KIRREL3: variants seen among roughly 807,000 people sequenced by gnomAD.
KIRREL3 encodes the protein kin of IRRE-like protein 3.
Under a neutral mutation model 89.7 loss-of-function variants are expected in KIRREL3, and 36 were observed. The observed-to-expected ratio is 0.40, with a 90% confidence interval of 0.31 to 0.53. The LOEUF is 0.53. KIRREL3 is among the 20% of genes least tolerant of loss of function. The probability of loss-of-function intolerance (pLI) is 0.49; values close to 1 mark genes in which losing one functional copy is unlikely to be tolerated. For synonymous variants in KIRREL3, 445 were observed against 441.4 expected (o/e 1.01, Z -0.10); for missense variants, 864 against 1,056.6 (o/e 0.82, Z 2.53).
chr11:126,871,171 G>A (rs777760730), intron 1 of KIRREL3, among the ~76,000 whole-genome samples: 5 of 152,158 alleles, frequency 3.3e-5, no homozygotes, highest in Admixed American at 6.5e-5. Flanking sequence ...GGACACTGCC[G>A]TCTGCTCTGA....
chr11:126,461,473 G>A (rs1956539312), intron 6 of KIRREL3, among the ~76,000 whole-genome samples: 1 of 152,212 alleles, frequency 6.6e-6, no homozygotes, highest in Non-Finnish European at 1.5e-5. Flanking sequence ...GCTTGTGAAT[G>A]AGGATGCCAG....
rs943707821 is a variant in KIRREL3 at position 126,764,702 on chromosome 11, C to G, written c.56-201790G>C. 1.3e-5 allele frequency among the ~76,000 whole-genome samples: 2 copies of G among 152,146 alleles called. No homozygotes were observed. The highest frequency in any genetic ancestry group is 4.8e-5 in the African/African-American group (2 of 41,434). The stretch of plus-strand genomic sequence containing the variant: ...ACTCTCTCAGTGTAGGCTCTGAATG[C>G]TGCTTTTATGTTATTGCACACATGA... On this transcript the variant is annotated intron_variant, in intron 1 of 16. Coordinates refer to ENST00000525144, the MANE Select transcript of KIRREL3 (RefSeq NM_032531.4). This position sits in a 1 kb window ranked among gnomAD's most constrained non-coding sequence, Gnocchi z 4.2.
chr11:126,571,569 A>G lies in KIRREL3; in HGVS notation c.56-8657T>C, dbSNP rs1392612826. ...CTGGGCTGAGCACTTTGCATGCCTT[A>G]CCTTCTTTATTCCTCATCAAAACTC... is the stretch of plus-strand genomic sequence containing the variant. On this transcript the variant is annotated intron_variant, in intron 1 of 16. Transcript: ENST00000525144. This position sits in a 1 kb window ranked among gnomAD's most constrained non-coding sequence, Gnocchi z 7.7. 6.6e-6 allele frequency among the ~76,000 whole-genome samples: 1 copy of G among 152,162 alleles called. No individual in the cohort carries two copies. Among genetic ancestry groups the G allele is most frequent in the African/African-American group, 2.4e-5 (1 of 41,434 alleles).
rs1303733710 is a variant in KIRREL3, at chr11:126,987,548, C to T, written c.55+12907G>A. Reference sequence around the variant, plus strand: ...CCTGTAAAGTATGGATTTCTCTCTGCAAAAACCTCTGTCCCAATCTGATGA... The same window carrying T: ...CCTGTAAAGTATGGATTTCTCTCTGTAAAAACCTCTGTCCCAATCTGATGA... On this transcript the variant is annotated intron_variant, in intron 1 of 16. Transcript: ENST00000525144. The surrounding 1 kb of genome is among the most constrained non-coding windows in gnomAD (Gnocchi z 4.6). Among the ~76,000 whole-genome samples the T allele has an allele frequency of 6.6e-6, 1 of 152,130 alleles. No homozygotes were observed. Among genetic ancestry groups the T allele is most frequent in the Non-Finnish European group, 1.5e-5 (1 of 68,014 alleles).
intron 1 of KIRREL3, among the ~76,000 whole-genome samples, chr11:126,582,320 T>G (rs544900696): frequency 6.6e-6 from 1 of 152,346 alleles, no homozygotes; most frequent in South Asian, 2.1e-4. Context: ...GGGCCTGAGA[T>G]TCACCAGTGG....
At chr11:126,835,147 C>T (rs1943736248) in intron 1 of KIRREL3, among the ~76,000 whole-genome samples, 1 of 152,150 alleles carries the variant, frequency 6.6e-6, no homozygotes, top group Non-Finnish European at 1.5e-5. Context: ...TAATGACACC[C>T]CATGCAGAAA....
In KIRREL3 at chr11:126,788,899, T is replaced by G. The variant is rs1592130684; in HGVS notation, c.55+211556A>C. ...TCAGCATTGTAAATAATCATTATTA[T>G]CAAAGAGTGTCATGTATTAAGCATC... On this transcript the variant is annotated intron_variant, in intron 1 of 16. Transcript: ENST00000525144. The surrounding 1 kb of genome is among the most constrained non-coding windows in gnomAD (Gnocchi z 4.1). Among the ~76,000 whole-genome samples the G allele has an allele frequency of 2.0e-5, 3 of 152,196 alleles. No individual in the cohort carries two copies. The South Asian group carries it at 6.2e-4, about 32-fold the overall frequency.
In KIRREL3 at chr11:126,653,558, G is replaced by A. The variant is rs12785981; in HGVS notation, c.56-90646C>T. Among the ~76,000 whole-genome samples the A allele has an allele frequency of 5.0e-3, 761 of 152,284 alleles. 6 individuals are homozygous for A. The highest frequency in any genetic ancestry group is 8.6e-3 in the Non-Finnish European group (585 of 68,020). ...ACCAGATACGGAATGAGAAAAAAGC[G>A]GCACCGGAAGTGGCATTTTGCAAAC... is the stretch of plus-strand genomic sequence containing the variant. On this transcript the variant is annotated intron_variant, in intron 1 of 16. Coordinates refer to ENST00000525144, the MANE Select transcript of KIRREL3 (RefSeq NM_032531.4). The surrounding 1 kb of genome is among the most constrained non-coding windows in gnomAD (Gnocchi z 5.4).
rs940173031 is a variant in KIRREL3, at chr11:126,666,288, C to T, written c.56-103376G>A. ...CTATAATGGACAGCCTTGGGTTTTACCTCCTGTCCAGGCACCCGTTCCTCT... is the reference window on the plus strand; with the variant it reads ...CTATAATGGACAGCCTTGGGTTTTATCTCCTGTCCAGGCACCCGTTCCTCT... On this transcript the variant is annotated intron_variant, in intron 1 of 16. Coordinates refer to ENST00000525144, the MANE Select transcript of KIRREL3 (RefSeq NM_032531.4). This position sits in a 1 kb window ranked among gnomAD's most constrained non-coding sequence, Gnocchi z 4.2. Among the ~76,000 whole-genome samples the T allele has an allele frequency of 2.1e-4, 32 of 152,204 alleles. No individual in the cohort carries two copies. Among genetic ancestry groups the T allele is most frequent in the African/African-American group, 7.7e-4 (32 of 41,450 alleles).
chr11:126,764,544 T>C lies in KIRREL3; in HGVS notation c.56-201632A>G, dbSNP rs1949759818. On this transcript the variant is annotated intron_variant, in intron 1 of 16. Coordinates refer to ENST00000525144, the MANE Select transcript of KIRREL3 (RefSeq NM_032531.4). The surrounding 1 kb of genome is among the most constrained non-coding windows in gnomAD (Gnocchi z 4.2). ...CTTCTTTGCTGCACCCGCCGCTGCC[T>C]CATGAGGTTCCTGGCAGCTCTTACT... is the stretch of plus-strand genomic sequence containing the variant. Among the ~76,000 whole-genome samples, 1 of 152,222 alleles carries C rather than the reference T, an allele frequency of 6.6e-6. No individual in the cohort carries two copies. The highest frequency in any genetic ancestry group is 1.5e-5 in the Non-Finnish European group (1 of 68,044).
intron 1 of KIRREL3, among the ~76,000 whole-genome samples, chr11:126,648,584 T>C (rs551378824): frequency 2.6e-5 from 4 of 152,386 alleles, no homozygotes; most frequent in South Asian, 2.1e-4. Context: ...GTTCATTTCA[T>C]GTCTCCTCCA....
At chr11:126,556,224 G>A (rs1369531483) in intron 2 of KIRREL3, among the ~76,000 whole-genome samples, 1 of 152,170 alleles carries the variant, frequency 6.6e-6, no homozygotes, top group Non-Finnish European at 1.5e-5. Flanking sequence ...AGAGAGGCTG[G>A]GGACAGGGTC....
In KIRREL3 at chr11:126,996,593, A is replaced by T. The variant is rs1282171607; in HGVS notation, c.55+3862T>A. ...TGGCTCCCTCTGTTCACTCTATTTT[A>T]CCCTTCTGTCTACGAGATGCCTTTC... On this transcript the variant is annotated intron_variant, in intron 1 of 16. Transcript: ENST00000525144. This position sits in a 1 kb window ranked among gnomAD's most constrained non-coding sequence, Gnocchi z 4.7. Among the ~76,000 whole-genome samples, 1 of 151,546 alleles carries T rather than the reference A, an allele frequency of 6.6e-6. No individual in the cohort carries two copies. Among genetic ancestry groups the T allele is most frequent in the Admixed American group, 6.6e-5 (1 of 15,238 alleles).
intron 4 of KIRREL3, among the ~76,000 whole-genome samples, chr11:126,509,858 G>A (rs1175271481): frequency 1.3e-5 from 2 of 152,054 alleles, no homozygotes; most frequent in South Asian, 4.2e-4. Flanking sequence ...TTAGCTGGGC[G>A]TGGTGGTGCA....
Position 126,629,808 on chromosome 11 carries a change from TA to T in KIRREL3, c.56-66897del, listed in dbSNP as rs1174658919. On this transcript the variant is annotated intron_variant, in intron 1 of 16. Coordinates refer to ENST00000525144, the MANE Select transcript of KIRREL3 (RefSeq NM_032531.4). ...CAGTGCCTGGTAAAGGTGGCTTCTC[TA>T]AAAGATGCTCTCCTTCCTGGTTCTA... Among the ~76,000 whole-genome samples the T allele has an allele frequency of 3.3e-5, 5 of 152,372 alleles. No individual in the cohort carries two copies. The East Asian group carries it at 9.6e-4, about 29-fold the overall frequency.
chr11:126,591,519 C>T (rs893371715), intron 1 of KIRREL3, among the ~76,000 whole-genome samples: 3 of 152,150 alleles, frequency 2.0e-5, no homozygotes, highest in Non-Finnish European at 2.9e-5. Context: ...TACATCTTGC[C>T]CAAGATCTCA....
In KIRREL3 at chr11:126,641,965, A is replaced by G. The variant is rs1256515946; in HGVS notation, c.56-79053T>C. ...GCAGTTAGGGAAGGATCCTCTCTCC[A>G]TTATATGAAAAGTAGGTGTCTAGTG... On this transcript the variant is annotated intron_variant, in intron 1 of 16. Coordinates refer to ENST00000525144, the MANE Select transcript of KIRREL3 (RefSeq NM_032531.4). This position sits in a 1 kb window ranked among gnomAD's most constrained non-coding sequence, Gnocchi z 5.0. 6.6e-6 allele frequency among the ~76,000 whole-genome samples: 1 copy of G among 152,140 alleles called. No homozygotes were observed. Among genetic ancestry groups the G allele is most frequent in the Non-Finnish European group, 1.5e-5 (1 of 68,012 alleles).
At position 126,579,783 on chromosome 11, in the gene KIRREL3, C is replaced by T. The variant is rs55946544; in HGVS notation, c.56-16871G>A. On this transcript the variant is annotated intron_variant, in intron 1 of 16. Transcript: ENST00000525144. This position sits in a 1 kb window ranked among gnomAD's most constrained non-coding sequence, Gnocchi z 5.3. ...GACCCCCTGCCTCTCTCCACCTCTG[C>T]GTGATGTTTTTCTGTTCGCCTGTCT... Among the ~76,000 whole-genome samples the T allele has an allele frequency of 0.2, 30,305 of 151,756 alleles. 3,743 individuals are homozygous for T. Among genetic ancestry groups the T allele is most frequent in the South Asian group, 0.38 (1,837 of 4,790 alleles).
At position 126,708,818 on chromosome 11, in the gene KIRREL3, T is replaced by G. The variant is rs1292134292; in HGVS notation, c.56-145906A>C. 6.6e-6 allele frequency among the ~76,000 whole-genome samples: 1 copy of G among 152,228 alleles called. No individual in the cohort carries two copies. The highest frequency in any genetic ancestry group is 2.4e-5 in the African/African-American group (1 of 41,466). ...TCCTACCAAATGCACCAATCATCAC[T>G]AAGCCAGGTCAAAGGCCATGGGATC... On this transcript the variant is annotated intron_variant, in intron 1 of 16. Transcript: ENST00000525144. The surrounding 1 kb of genome is among the most constrained non-coding windows in gnomAD (Gnocchi z 5.7).
Sources: allele counts gnomAD v4.1 joint callset (sites outside exome capture counted in the v4.1 genomes callset), GRCh38; gene constraint gnomAD v4.1.1; non-coding constraint Gnocchi (gnomAD v3.1); transcripts MANE v1.5; gene names NCBI Gene and HGNC (gene_info 2026-07-23, HGNC 2026-07-21).